Variants in FRYL observed in about 807,000 individuals in gnomAD.
The protein encoded by FRYL is FRY like transcription coactivator.
In FRYL, 150 loss-of-function variants were observed where a neutral mutation model predicts 351.2. The observed-to-expected ratio is 0.43, with a 90% confidence interval of 0.37 to 0.49. FRYL has a LOEUF of 0.49. Ranked by LOEUF, FRYL falls within the 20% of genes least tolerant of loss-of-function variation. The probability of loss-of-function intolerance (pLI) is 0.00; values close to 1 mark genes in which losing one functional copy is unlikely to be tolerated. For synonymous variants in FRYL, 1,153 were observed against 1,257.1 expected, an observed-to-expected ratio of 0.92 and a Z score of 1.75; for missense variants, 3,036 against 3,619.3, an observed-to-expected ratio of 0.84 and a Z score of 4.13.
intron 2 of FRYL, among the ~76,000 whole-genome samples, chr4:48,696,985 A>G (rs1348026123): frequency 6.6e-6 from 1 of 151,884 alleles, no homozygotes; most frequent in African/African-American, 2.4e-5. Context: ...AAAATGAATA[A>G]TTTTTCTCCA....
At chr4:48,619,762 AAAGCAGATTAC>A (rs1163588103) in intron 6 of FRYL, among the ~76,000 whole-genome samples, 1 of 152,128 alleles carries the variant, frequency 6.6e-6, no homozygotes, top group Admixed American at 6.6e-5. Context: ...TGAGCCTCCT[AAAGCAGATTAC>A]AAGCATAAGT....
intron 1 of FRYL, among the ~76,000 whole-genome samples, chr4:48,745,771 T>C (rs1453695183): frequency 6.6e-6 from 1 of 151,882 alleles, no homozygotes; most frequent in Non-Finnish European, 1.5e-5. Flanking sequence ...AAGAAAGATA[T>C]ATACAGTGGC....
Position 48,544,796 on chromosome 4 carries a change from C to T in FRYL, c.5388G>A (p.Lys1796=). 1 of 1,597,186 alleles carries T rather than the reference C, an allele frequency of 6.3e-7. No individual in the cohort carries two copies. ...CTTAAAAGATACCTGAGCTTGACTG[C>T]TTAAAAACAGAAACCACATGTTTCA... The part of the protein sequence containing the change: ...TFLKHVVSVF[K]QSSSEGIHLE... The change falls in exon 43 of 64, where the codon AAG becomes AAA. Residue 1796 remains lysine, a synonymous_variant. Transcript: ENST00000358350.
In FRYL at chr4:48,504,118, A is replaced by AGT. The variant is rs138891510; in HGVS notation, c.8464-1275_8464-1274dup. 3.3e-3 allele frequency among the ~76,000 whole-genome samples: 497 copies of AGT among 151,682 alleles called. 6 individuals carry two copies. The highest frequency in any genetic ancestry group is 0.012 in the African/African-American group (478 of 41,428). On this transcript the variant is annotated intron_variant, in intron 60 of 63. Coordinates refer to ENST00000358350, the MANE Select transcript of FRYL (RefSeq NM_015030.2). ...TAAAACAGTGCAGTTTTTGTGGATG[A>AGT]GTGTGTGTGTGTGTATATATATGCA...
intron 18 of FRYL, among the ~76,000 whole-genome samples, chr4:48,587,647 G>A (rs1350936840): frequency 3.3e-5 from 5 of 151,866 alleles, no homozygotes; most frequent in African/African-American, 1.2e-4. Flanking sequence ...GGGTTCAGGC[G>A]ATTCTCCTGC....
intron 22 of FRYL, among the ~76,000 whole-genome samples, chr4:48,579,928 G>C (rs1740499477): frequency 6.6e-6 from 1 of 151,996 alleles, no homozygotes; most frequent in African/African-American, 2.4e-5. Flanking sequence ...TAACTACCCT[G>C]ATTGGGTCAT....
chr4:48,710,626 C>G lies in FRYL; in HGVS notation c.-311G>C. On this transcript the variant is annotated 5_prime_UTR_variant, in exon 2 of 64. Coordinates refer to ENST00000358350, the MANE Select transcript of FRYL (RefSeq NM_015030.2). ...CTGGAGCTTGTACTTTACAGGCACT[C>G]GAGTGGGCACACTGGTACAAAGCAG... 2.5e-6 allele frequency: 1 copy of G among 398,458 alleles called. No homozygotes were observed. 24.7% of individuals were successfully genotyped at this position (398,458 alleles called of 1,614,324 possible).
Position 48,634,475 on chromosome 4 carries a change from C to T in FRYL, c.-65G>A. The T allele has an allele frequency of 6.2e-7, 1 of 1,609,050 alleles. No homozygotes were observed. The highest frequency in any genetic ancestry group is 8.5e-7 in the Non-Finnish European group (1 of 1,177,006). ...AGAAGCACAGTATTTATTTACTTTG[C>T]TGACTGGCGCTGAAGCTAAAAGTAA... On this transcript the variant is annotated 5_prime_UTR_variant, in exon 4 of 64. Transcript: ENST00000358350.
intron 7 of FRYL, 43 bp from the exon 8 acceptor site, chr4:48,609,866 T>C (rs539341974): frequency 1.2e-5 from 13 of 1,058,232 alleles, no homozygotes; most frequent in Admixed American, 2.1e-5. Flanking sequence ...AAATTATTGG[T>C]TTTTTATGAG....
chr4:48,567,601 G>C lies in FRYL; in HGVS notation c.2997-181C>G, dbSNP rs1737071585. Among the ~76,000 whole-genome samples, 3 of 152,140 alleles carry C rather than the reference G, an allele frequency of 2.0e-5. No homozygotes were observed. In the South Asian group the frequency reaches 6.2e-4, roughly 31 times the overall value. Reference sequence around the variant, plus strand: ...GCTTACTTTAATATGAAAATAGATGGTGCTTCTTAATCTAGGAACTGCTAT... The same window carrying C: ...GCTTACTTTAATATGAAAATAGATGCTGCTTCTTAATCTAGGAACTGCTAT... On this transcript the variant is annotated intron_variant, in intron 27 of 63. Transcript: ENST00000358350. This position sits in a 1 kb window ranked among gnomAD's most constrained non-coding sequence, Gnocchi z 4.2.
At chr4:48,568,173 G>A (rs1392719745) in intron 27 of FRYL, among the ~76,000 whole-genome samples, 1 of 152,206 alleles carries the variant, frequency 6.6e-6, no homozygotes, top group Non-Finnish European at 1.5e-5. Flanking sequence ...GCTAAAGTGG[G>A]AGGATTGTTT....
intron 11 of FRYL, 147 bp downstream of exon 11, chr4:48,605,594 C>T (rs1393063435): frequency 3.2e-6 from 2 of 620,248 alleles, no homozygotes; most frequent in Non-Finnish European, 5.7e-6. Flanking sequence ...GAAGAGACCT[C>T]TGAGCAACAG....
intron 1 of FRYL, chr4:48,727,449 G>C (rs1770206053): frequency 1.3e-5 from 2 of 152,222 alleles, no homozygotes; most frequent in African/African-American, 4.8e-5. Context: ...AAACCCATGA[G>C]CAGAAGGTTG....
At chr4:48,555,563 G>A (rs1317972776) in intron 35 of FRYL, among the ~76,000 whole-genome samples, 7 of 152,192 alleles carry the variant, frequency 4.6e-5, no homozygotes, top group East Asian at 1.9e-4. Context: ...AGTGAGTAAC[G>A]TGGCTAACTG....
chr4:48,547,565 G>C lies in FRYL; in HGVS notation c.5074+19C>G, dbSNP rs1731632162. On this transcript the variant is annotated intron_variant, in intron 41 of 63. Transcript: ENST00000358350. ...TAAAGTATAATTCTACTTTCAAATTGTACATTTAAAGCAAATACCTGTGAA... is the reference window on the plus strand; with the variant it reads ...TAAAGTATAATTCTACTTTCAAATTCTACATTTAAAGCAAATACCTGTGAA... 2.8e-6 allele frequency: 4 copies of C among 1,405,612 alleles called. No individual in the cohort carries two copies. The highest frequency in any genetic ancestry group is 3.9e-6 in the Non-Finnish European group (4 of 1,034,598). 87.1% of individuals were successfully genotyped at this position (1,405,612 alleles called of 1,614,324 possible).
At chr4:48,616,647 C>G (rs766397100) in intron 7 of FRYL, among the ~76,000 whole-genome samples, 2 of 152,120 alleles carry the variant, frequency 1.3e-5, no homozygotes, top group Non-Finnish European at 1.5e-5. Context: ...GAGTTCCAAA[C>G]GTGTGATTAT....
intron 40 of FRYL, among the ~76,000 whole-genome samples, 157 bp from the exon 41 acceptor site, chr4:48,547,926 T>C (rs1481837239): frequency 6.6e-6 from 1 of 152,156 alleles, no homozygotes; most frequent in Non-Finnish European, 1.5e-5. Context: ...TCTTATATAC[T>C]TTTACAATAG....
intron 60 of FRYL, among the ~76,000 whole-genome samples, chr4:48,503,377 A>G (rs932952958): frequency 6.6e-6 from 1 of 152,192 alleles, no homozygotes; most frequent in African/African-American, 2.4e-5. Flanking sequence ...ATTAGGTCCT[A>G]CTTTGCCATA....
At chr4:48,731,391 A>C (rs1400738924) in intron 1 of FRYL, among the ~76,000 whole-genome samples, 1 of 152,236 alleles carries the variant, frequency 6.6e-6, no homozygotes, top group African/African-American at 2.4e-5. Flanking sequence ...TGCTATCCCC[A>C]TCAAGCTACC....
Sources: gnomAD v4.1 joint callset for allele counts (sites outside exome capture counted in the v4.1 genomes callset) on GRCh38, gnomAD v4.1.1 for gene constraint, Gnocchi (gnomAD v3.1) non-coding constraint, MANE v1.5 for transcripts, NCBI Gene and HGNC (gene_info 2026-07-23, HGNC 2026-07-21) for gene names.